Variants in THOC1 observed in about 807,000 individuals in gnomAD.
THOC1 encodes the protein THO complex 1.
THOC1 carries 29 observed loss-of-function variants against 97.3 expected under a neutral mutation model. That is an observed-to-expected ratio of 0.30 (90% CI 0.22 to 0.41). The LOEUF (loss-of-function observed/expected upper bound fraction) is 0.41. THOC1 is among the 10% of genes least tolerant of loss of function. THOC1 has a pLI of 1.00. For synonymous variants in THOC1, 255 were observed against 257.0 expected, an observed-to-expected ratio of 0.99 and a Z score of 0.07; for missense variants, 529 against 761.9, an observed-to-expected ratio of 0.69 and a Z score of 3.60.
intron 8 of THOC1, among the ~76,000 whole-genome samples, chr18:253,279 C>G (rs1280742820): frequency 6.6e-6 from 1 of 152,084 alleles, no homozygotes; most frequent in Non-Finnish European, 1.5e-5. Context: ...TGGAATTTAT[C>G]CTAAAAAGAC....
At chr18:224,857 T>C (rs1463180297) in intron 15 of THOC1, 67 bp downstream of exon 15, 2 of 1,293,290 alleles carry the variant, frequency 1.5e-6, no homozygotes, top group African/African-American at 3.0e-5. Context: ...CGGAGCACAT[T>C]TTCAAAAGCC....
intron 18 of THOC1, among the ~76,000 whole-genome samples, chr18:218,274 G>A (rs1249744621): frequency 1.3e-5 from 2 of 152,306 alleles, no homozygotes; most frequent in African/African-American, 4.8e-5. Context: ...TAGTAAGTAA[G>A]TGGTAGAGGG....
intron 3 of THOC1, among the ~76,000 whole-genome samples, chr18:264,427 G>A (rs1912700751): frequency 6.6e-6 from 1 of 152,216 alleles, no homozygotes; most frequent in Non-Finnish European, 1.5e-5. Context: ...CAAAGGCAGG[G>A]CTATGAGAAT....
intron 18 of THOC1, among the ~76,000 whole-genome samples, chr18:217,750 G>A (rs982678682): frequency 1.3e-5 from 2 of 152,144 alleles, no homozygotes; most frequent in African/African-American, 4.8e-5. Flanking sequence ...GGGAGGGGAA[G>A]AGCTTCCCAG....
At chr18:228,720 CAACT>C (rs1045365555) in intron 11 of THOC1, among the ~76,000 whole-genome samples, 5 of 152,156 alleles carry the variant, frequency 3.3e-5, no homozygotes, top group African/African-American at 7.2e-5. Context: ...TTGAATAAAC[CAACT>C]GTTAGTCACC....
At chr18:226,712 A>G in intron 12 of THOC1, 89 bp downstream of exon 12, 1 of 895,222 alleles carries the variant, frequency 1.1e-6, no homozygotes, top group Non-Finnish European at 1.7e-6. Flanking sequence ...CTTAACATGA[A>G]ATGGACACAT....
At chr18:246,147 T>C (rs1912079952) in intron 11 of THOC1, 177 bp downstream of exon 11, 2 of 519,964 alleles carry the variant, frequency 3.8e-6, no homozygotes, top group African/African-American at 4.0e-5. Context: ...GAAACCAAAT[T>C]AGTCCTACTT....
chr18:232,166 G>C (rs1911506078), intron 11 of THOC1, among the ~76,000 whole-genome samples: 1 of 152,188 alleles, frequency 6.6e-6, no homozygotes, highest in Admixed American at 6.5e-5. Context: ...CATGAATATG[G>C]CTCACTGCAG....
intron 7 of THOC1, among the ~76,000 whole-genome samples, chr18:258,673 T>A (rs761421182): frequency 6.6e-6 from 1 of 152,126 alleles, no homozygotes; most frequent in Non-Finnish European, 1.5e-5. Context: ...TATTTGAACA[T>A]ACTGGGGAGG....
chr18:220,330 T>A (rs1384346920), intron 17 of THOC1, among the ~76,000 whole-genome samples: 1 of 152,206 alleles, frequency 6.6e-6, no homozygotes, highest in Admixed American at 6.5e-5. Context: ...TATATATAAG[T>A]AAAGCTAATG....
At chr18:227,218 C>G (rs1180099571) in intron 11 of THOC1, among the ~76,000 whole-genome samples, 2 of 152,024 alleles carry the variant, frequency 1.3e-5, no homozygotes, top group African/African-American at 4.8e-5. Flanking sequence ...GGCACAAAGC[C>G]TATTATAGTC....
chr18:250,848 A>C (rs1363555341), intron 9 of THOC1, among the ~76,000 whole-genome samples: 1 of 152,200 alleles, frequency 6.6e-6, no homozygotes, highest in Non-Finnish European at 1.5e-5. Flanking sequence ...ATCTAAGCAG[A>C]CAAAACTGCA....
At chr18:264,559 C>A (rs1912704597) in intron 3 of THOC1, among the ~76,000 whole-genome samples, 1 of 149,932 alleles carries the variant, frequency 6.7e-6, no homozygotes, top group African/African-American at 2.4e-5. Flanking sequence ...GTTTTACACA[C>A]AACAACACTG....
At chr18:264,821 T>C (rs1283256544) in intron 3 of THOC1, 3 of 152,984 alleles carry the variant, frequency 2.0e-5, no homozygotes, top group African/African-American at 7.2e-5. Flanking sequence ...TGCCCCATTA[T>C]TGGTAAACAA....
chr18:260,768 A>G (rs1912580998), intron 4 of THOC1: 1 of 152,314 alleles, frequency 6.6e-6, no homozygotes. Context: ...AGCTATTCAA[A>G]AGAATATAAT....
At chr18:248,303 G>T (rs536236261) in intron 9 of THOC1, among the ~76,000 whole-genome samples, 21 of 152,286 alleles carry the variant, frequency 1.4e-4, no homozygotes, top group Admixed American at 9.1e-4. Context: ...CAACTTTTGG[G>T]CCATATTTTA....
At chr18:225,594 A>C in intron 12 of THOC1, 191 bp from the exon 13 acceptor site, 1 of 573,482 alleles carries the variant, frequency 1.7e-6, no homozygotes, top group Non-Finnish European at 3.1e-6. Flanking sequence ...GAGGGTTGGT[A>C]CTGAAGACAT....
At chr18:264,892 T>A (rs1281096243) in intron 3 of THOC1, 1 of 156,250 alleles carries the variant, frequency 6.4e-6, no homozygotes, top group African/African-American at 2.4e-5. Flanking sequence ...GTTATTTATG[T>A]AAGTTTACTG....
chr18:262,619 T>C (rs1359954212), intron 4 of THOC1, among the ~76,000 whole-genome samples: 2 of 152,194 alleles, frequency 1.3e-5, no homozygotes, highest in African/African-American at 4.8e-5. Flanking sequence ...ACTGTTTGAC[T>C]GAAACTAGAC....
Sources: allele counts gnomAD v4.1 joint callset (sites outside exome capture counted in the v4.1 genomes callset), GRCh38; gene constraint gnomAD v4.1.1; transcripts MANE v1.5; gene names NCBI Gene and HGNC (gene_info 2026-07-23, HGNC 2026-07-21).